PRKD1: variants seen among roughly 807,000 people sequenced by gnomAD.
PRKD1 encodes protein kinase D1, also known as serine/threonine-protein kinase D1.
In PRKD1, 63 loss-of-function variants were observed where a neutral mutation model predicts 95.9. That is an observed-to-expected ratio of 0.66 (90% CI 0.54 to 0.81). PRKD1 has a LOEUF of 0.81. Ranked by LOEUF, PRKD1 falls within the 30% of genes least tolerant of loss-of-function variation. PRKD1 has a pLI of 0.00. For missense variants in PRKD1, 1,048 were observed against 1,165.3 expected, an observed-to-expected ratio of 0.90 and a Z score of 1.47; for synonymous variants, 425 against 423.1, an observed-to-expected ratio of 1.00 and a Z score of -0.05.
In PRKD1 at chr14:29,720,289, G is replaced by A. The variant is rs192807141; in HGVS notation, c.403+5247C>T. 2.5e-3 allele frequency among the ~76,000 whole-genome samples: 381 copies of A among 152,256 alleles called. 10 individuals are homozygous for A. The highest frequency in any genetic ancestry group is 0.022 in the Admixed American group (338 of 15,290). ...AAACGTGGGCACAGAATGATTACAA[G>A]TCTTGGCAATGTAAGTAGTGAAGAA... On this transcript the variant is annotated intron_variant, in intron 2 of 17. Transcript: ENST00000331968.
intron 1 of PRKD1, among the ~76,000 whole-genome samples, chr14:29,906,186 T>C (rs1406054563): frequency 1.3e-5 from 2 of 151,964 alleles, no homozygotes; most frequent in African/African-American, 4.8e-5. Context: ...ATAATAAGTA[T>C]TGAAAGTATA....
At chr14:29,577,725 T>A (rs1892607954) in intron 17 of PRKD1, among the ~76,000 whole-genome samples, 1 of 152,202 alleles carries the variant, frequency 6.6e-6, no homozygotes, top group African/African-American at 2.4e-5. Context: ...AATGCCAGTA[T>A]TCCTTTGAAA....
chr14:29,731,864 CTACT>C (rs1886452958), intron 1 of PRKD1, among the ~76,000 whole-genome samples: 2 of 148,702 alleles, frequency 1.3e-5, no homozygotes, highest in African/African-American at 2.5e-5. Context: ...CTGACAATCT[CTACT>C]TTTTTTTTTT....
intron 4 of PRKD1, among the ~76,000 whole-genome samples, chr14:29,640,062 A>G (rs1284710447): frequency 6.6e-6 from 1 of 152,188 alleles, no homozygotes; most frequent in Non-Finnish European, 1.5e-5. Flanking sequence ...TATGTATCTC[A>G]TTTATATATC....
intron 1 of PRKD1, among the ~76,000 whole-genome samples, chr14:29,748,140 A>G (rs1887314706): frequency 6.6e-6 from 1 of 152,210 alleles, no homozygotes; most frequent in Non-Finnish European, 1.5e-5. Flanking sequence ...CTGAAGAATT[A>G]TTATTTGCAA....
intron 4 of PRKD1, 41 bp downstream of exon 4, chr14:29,663,658 T>TGCTA: frequency 6.3e-7 from 1 of 1,598,018 alleles, no homozygotes; most frequent in Middle Eastern, 1.7e-4. Context: ...CCCCACAGAT[T>TGCTA]TCTCATGTAA....
chr14:29,786,348 A>G (rs1196826479), intron 1 of PRKD1, among the ~76,000 whole-genome samples: 1 of 151,922 alleles, frequency 6.6e-6, no homozygotes, highest in East Asian at 1.9e-4. Flanking sequence ...GGGAATGCTG[A>G]TATTTTAGAC....
chr14:29,774,778 G>A (rs1032514595), intron 1 of PRKD1, among the ~76,000 whole-genome samples: 3 of 152,170 alleles, frequency 2.0e-5, no homozygotes, highest in Non-Finnish European at 4.4e-5. Flanking sequence ...AATCTAATAT[G>A]AAGAGGATAA....
At chr14:29,746,155 C>G (rs1303867424) in intron 1 of PRKD1, among the ~76,000 whole-genome samples, 1 of 151,256 alleles carries the variant, frequency 6.6e-6, no homozygotes, top group Non-Finnish European at 1.5e-5. Context: ...TCTCTGAGGG[C>G]CTAATTCTCA....
intron 1 of PRKD1, among the ~76,000 whole-genome samples, chr14:29,819,327 C>A (rs1594547043): frequency 1.3e-5 from 2 of 151,850 alleles, no homozygotes; most frequent in Admixed American, 1.3e-4. Context: ...GGCCATGGTG[C>A]GTAATATCCT....
chr14:29,721,139 G>A (rs1269620294), intron 2 of PRKD1, among the ~76,000 whole-genome samples: 1 of 151,932 alleles, frequency 6.6e-6, no homozygotes, highest in Non-Finnish European at 1.5e-5. Context: ...GTCATAGCCC[G>A]AGAATAGGCC....
In PRKD1 at chr14:29,613,861, G is replaced by T. The variant is rs528451950; in HGVS notation, c.1905+10291C>A. Among the ~76,000 whole-genome samples, 10 of 152,232 alleles carry T rather than the reference G, an allele frequency of 6.6e-5. No individual in the cohort carries two copies. In the South Asian group the frequency reaches 2.1e-3, roughly 32 times the overall value. ...AAGGCATACTCTTGGAGAGCAAAAA[G>T]ATTTTTTATGAGATATGTGAGCACA... On this transcript the variant is annotated intron_variant, in intron 13 of 17. Coordinates refer to ENST00000331968, the MANE Select transcript of PRKD1 (RefSeq NM_002742.3).
rs78505695 is a variant in PRKD1 at position 29,582,654 on chromosome 14, C to T, written c.2435-4294G>A. ...TTTATCAAGCATAAAGACACTAAGA[C>T]AAGGGAAAGGGGAAGCCAGTTGTAA... On this transcript the variant is annotated intron_variant, in intron 16 of 17. Coordinates refer to ENST00000331968, the MANE Select transcript of PRKD1 (RefSeq NM_002742.3). Among the ~76,000 whole-genome samples the T allele has an allele frequency of 1.3e-4, 20 of 151,946 alleles. No homozygotes were observed. In the East Asian group the frequency reaches 3.7e-3, roughly 28 times the overall value.
chr14:29,868,076 C>A (rs914817458), intron 1 of PRKD1, among the ~76,000 whole-genome samples: 3 of 152,170 alleles, frequency 2.0e-5, no homozygotes, highest in African/African-American at 7.2e-5. Flanking sequence ...AATTGCTCTG[C>A]GTAAGCTGTT....
chr14:29,769,566 A>C (rs1888411746), intron 1 of PRKD1, among the ~76,000 whole-genome samples: 1 of 152,020 alleles, frequency 6.6e-6, no homozygotes, highest in South Asian at 2.1e-4. Context: ...CTCCCGAAAA[A>C]AATAAATAAA....
At chr14:29,722,408 T>G (rs1885941577) in intron 2 of PRKD1, among the ~76,000 whole-genome samples, 2 of 152,200 alleles carry the variant, frequency 1.3e-5, no homozygotes, top group Non-Finnish European at 2.9e-5. Context: ...GGTACAATCC[T>G]ACTCACTTGA....
At position 29,762,815 on chromosome 14, in the gene PRKD1, C is replaced by T. The variant is rs149105838; in HGVS notation, c.265-37141G>A. 5.9e-3 allele frequency among the ~76,000 whole-genome samples: 888 copies of T among 151,406 alleles called. 13 individuals are homozygous for T. Among genetic ancestry groups the T allele is most frequent in the African/African-American group, 0.02 (825 of 41,286 alleles). On this transcript the variant is annotated intron_variant, in intron 1 of 17. Transcript: ENST00000331968. ...CTGGAGTGCAGAGGCACAATTTCAG[C>T]TCATTGCAACCTCCACCTCCTGGGT...
intron 1 of PRKD1, among the ~76,000 whole-genome samples, chr14:29,776,033 G>A (rs556876290): frequency 2.6e-4 from 39 of 152,254 alleles, no homozygotes; most frequent in African/African-American, 8.7e-4. Context: ...CCAGGCAAAC[G>A]GGGTCTGGAG....
chr14:29,848,318 A>T (rs1290157776), intron 1 of PRKD1, among the ~76,000 whole-genome samples: 1 of 152,070 alleles, frequency 6.6e-6, no homozygotes, highest in Non-Finnish European at 1.5e-5. Flanking sequence ...CCTTTCCATC[A>T]AGCTGAAGTG....
Sources: gnomAD v4.1 joint callset for allele counts (sites outside exome capture counted in the v4.1 genomes callset) on GRCh38, gnomAD v4.1.1 for gene constraint, MANE v1.5 for transcripts, NCBI Gene and HGNC (gene_info 2026-07-23, HGNC 2026-07-21) for gene names.